Variants in OLA1 observed in about 807,000 individuals in gnomAD.
OLA1 encodes obg-like ATPase 1.
Under a neutral mutation model 48.4 loss-of-function variants are expected in OLA1, and 14 were observed. The ratio of observed to expected loss-of-function variants is 0.29; its 90% CI spans 0.19 to 0.45. OLA1 has a LOEUF of 0.45. Among genes scored for constraint, OLA1 ranks in the 20% least tolerant of loss-of-function variants. The pLI, the probability that OLA1 is intolerant of heterozygous loss-of-function variation, is 1.00. For synonymous variants in OLA1, 127 were observed against 150.4 expected, an observed-to-expected ratio of 0.84 and a Z score of 1.14; for missense variants, 325 against 467.1, an observed-to-expected ratio of 0.70 and a Z score of 2.80.
chr2:174,184,554 T>C (rs1198773776), intron 4 of OLA1, among the ~76,000 whole-genome samples: 1 of 152,232 alleles, frequency 6.6e-6, no homozygotes, highest in African/African-American at 2.4e-5. Flanking sequence ...ATATCCTGGA[T>C]TGAATCCTGG....
chr2:174,102,615 C>T (rs997306869), intron 7 of OLA1, among the ~76,000 whole-genome samples: 4 of 152,136 alleles, frequency 2.6e-5, no homozygotes, highest in African/African-American at 9.7e-5. Context: ...TAATCATGAT[C>T]TACTTTCCAG....
chr2:174,207,885 T>G (rs1688152635), intron 4 of OLA1, among the ~76,000 whole-genome samples: 1 of 152,168 alleles, frequency 6.6e-6, no homozygotes. Flanking sequence ...CTGCACAGAT[T>G]CACTTAAACA....
In OLA1 at chr2:174,105,774, T is replaced by C. The variant is rs1044954896; in HGVS notation, c.728+17406A>G. Reference sequence around the variant, plus strand: ...TTTAAGATTGCAGGTGTATTTGATATAATTTTGGTGCTCCAATTGCAAAGG... The same window carrying C: ...TTTAAGATTGCAGGTGTATTTGATACAATTTTGGTGCTCCAATTGCAAAGG... On this transcript the variant is annotated intron_variant, in intron 7 of 10. Transcript: ENST00000284719. 2.0e-4 allele frequency among the ~76,000 whole-genome samples: 30 copies of C among 152,054 alleles called. 1 individual carries two copies. The highest frequency in any genetic ancestry group is 4.3e-4 in the Non-Finnish European group (29 of 67,924).
intron 4 of OLA1, among the ~76,000 whole-genome samples, chr2:174,151,766 T>C (rs1686753142): frequency 6.6e-6 from 1 of 152,346 alleles, no homozygotes; most frequent in South Asian, 2.1e-4. Flanking sequence ...ATCTATAGTT[T>C]TATTAATAAA....
chr2:174,089,218 G>A (rs1292992891), intron 7 of OLA1, among the ~76,000 whole-genome samples: 1 of 152,064 alleles, frequency 6.6e-6, no homozygotes, highest in African/African-American at 2.4e-5. Context: ...AAGAATAAAA[G>A]GAAATGCAGA....
chr2:174,155,976 G>C (rs76372412), intron 4 of OLA1, among the ~76,000 whole-genome samples: 75 of 152,218 alleles, frequency 4.9e-4, no homozygotes, highest in African/African-American at 1.7e-3. Context: ...ATTAGTTGTT[G>C]GATGAATTTC....
At chr2:174,096,483 A>G (rs780124115) in intron 7 of OLA1, among the ~76,000 whole-genome samples, 3 of 152,228 alleles carry the variant, frequency 2.0e-5, no homozygotes, top group Non-Finnish European at 2.9e-5. Context: ...AGATTACAAA[A>G]CAGAAATGCT....
chr2:174,088,479 AAT>A (rs1439963660), intron 7 of OLA1, among the ~76,000 whole-genome samples: 5 of 152,228 alleles, frequency 3.3e-5, no homozygotes, highest in East Asian at 1.9e-4. Context: ...TACAAACTAA[AAT>A]ATGTCATAAA....
At chr2:174,224,219 C>G (rs1457659407) in intron 3 of OLA1, among the ~76,000 whole-genome samples, 1 of 152,168 alleles carries the variant, frequency 6.6e-6, no homozygotes, top group African/African-American at 2.4e-5. Flanking sequence ...TCCACTAAAA[C>G]CACATAAATG....
intron 5 of OLA1, among the ~76,000 whole-genome samples, chr2:174,128,395 G>A (rs1321407998): frequency 1.3e-5 from 2 of 150,312 alleles, no homozygotes; most frequent in Non-Finnish European, 3.0e-5. Flanking sequence ...GCGAGACCCT[G>A]TCTCCAAAAA....
chr2:174,101,083 C>T (rs1685386090), intron 7 of OLA1, among the ~76,000 whole-genome samples: 1 of 152,108 alleles, frequency 6.6e-6, no homozygotes. Flanking sequence ...ACATGCTTAA[C>T]TTAAATGAAA....
chr2:174,203,883 C>T (rs1387083483), intron 4 of OLA1, among the ~76,000 whole-genome samples: 1 of 151,476 alleles, frequency 6.6e-6, no homozygotes, highest in Non-Finnish European at 1.5e-5. Flanking sequence ...CAACCTCTGC[C>T]GCCCGGGTTC....
At chr2:174,160,676 C>T (rs1686989201) in intron 4 of OLA1, among the ~76,000 whole-genome samples, 1 of 152,134 alleles carries the variant, frequency 6.6e-6, no homozygotes, top group African/African-American at 2.4e-5. Flanking sequence ...GTCTTTGTGG[C>T]TTTGTTTGGC....
At chr2:174,205,288 T>TG (rs953403838) in intron 4 of OLA1, among the ~76,000 whole-genome samples, 48 of 152,102 alleles carry the variant, frequency 3.2e-4, no homozygotes, top group African/African-American at 1.1e-3. Flanking sequence ...TATACAAAAA[T>TG]GGGGAAAAAA....
intron 5 of OLA1, among the ~76,000 whole-genome samples, chr2:174,133,932 C>T (rs1686242594): frequency 6.6e-6 from 1 of 152,130 alleles, no homozygotes; most frequent in African/African-American, 2.4e-5. Context: ...CAGTTTCTAC[C>T]CATTATTCCT....
At chr2:174,113,720 C>G (rs192153653) in intron 7 of OLA1, among the ~76,000 whole-genome samples, 1 of 152,192 alleles carries the variant, frequency 6.6e-6, no homozygotes, top group South Asian at 2.1e-4. Context: ...AAGTTGCTGA[C>G]GTGATATTTT....
At chr2:174,171,056 AAAGGCATAATATTCACAT>A (rs1189690612) in intron 4 of OLA1, among the ~76,000 whole-genome samples, 6 of 152,256 alleles carry the variant, frequency 3.9e-5, no homozygotes, top group Non-Finnish European at 8.8e-5. Context: ...AATTCATCCA[AAAGGCATAATATTCACAT>A]AAGGCATAAT....
At chr2:174,154,838 G>C (rs895474342) in intron 4 of OLA1, among the ~76,000 whole-genome samples, 1 of 152,264 alleles carries the variant, frequency 6.6e-6, no homozygotes, top group East Asian at 1.9e-4. Flanking sequence ...CAGCAAATCA[G>C]AGCTTAAATT....
chr2:174,151,341 C>T (rs1574511838), intron 4 of OLA1, among the ~76,000 whole-genome samples: 1 of 152,100 alleles, frequency 6.6e-6, no homozygotes, highest in Non-Finnish European at 1.5e-5. Flanking sequence ...AAAATGCAAA[C>T]TTCAGAAAAA....
Sources: allele counts gnomAD v4.1 joint callset (sites outside exome capture counted in the v4.1 genomes callset), GRCh38; gene constraint gnomAD v4.1.1; transcripts MANE v1.5; gene names NCBI Gene and HGNC (gene_info 2026-07-23, HGNC 2026-07-21).